Variants in IFT57 observed in about 807,000 individuals in gnomAD.
The protein encoded by IFT57 is intraflagellar transport protein 57 homolog.
Under a neutral mutation model 56.8 loss-of-function variants are expected in IFT57, and 59 were observed. That is an observed-to-expected ratio of 1.04 (90% CI 0.84 to 1.29). The LOEUF (loss-of-function observed/expected upper bound fraction) is 1.29. IFT57 is among the 50% of genes most tolerant of loss of function. The probability of loss-of-function intolerance (pLI) is 0.00; values close to 1 mark genes in which losing one functional copy is unlikely to be tolerated. For missense variants in IFT57, 470 were observed against 522.1 expected (o/e 0.90, Z 0.97); for synonymous variants, 209 against 186.1 (o/e 1.12, Z -1.00).
In IFT57 at chr3:108,191,643, C is replaced by G. The variant is rs1460114196; in HGVS notation, c.655G>C (p.Asp219His). The G allele has an allele frequency of 6.9e-6, 11 of 1,588,944 alleles. No individual in the cohort carries two copies. Among genetic ancestry groups the G allele is most frequent in the Non-Finnish European group, 9.4e-6 (11 of 1,171,110 alleles). Residue 219 changes from aspartate to histidine, a missense_variant and splice_region_variant, in exon 6 of 11, where the codon GAT becomes CAT. Transcript: ENST00000264538. ...TCTTGTTTGGCAGTCTCGTTCATAT[C>G]CTAAGAAAGGAAAGATATCACAAGA... The part of the protein sequence containing the change: ...NVLKAQTYHL[D>H]MNETAKQEDI...
At chr3:108,181,748 A>G (rs1425387928) in intron 6 of IFT57, among the ~76,000 whole-genome samples, 1 of 152,124 alleles carries the variant, frequency 6.6e-6, no homozygotes, top group African/African-American at 2.4e-5. Context: ...ATACAATTAC[A>G]AACATTTGTG....
chr3:108,186,899 T>C (rs1482438609), intron 6 of IFT57, among the ~76,000 whole-genome samples: 3 of 152,194 alleles, frequency 2.0e-5, no homozygotes, highest in Non-Finnish European at 4.4e-5. Context: ...ATGATTCTTT[T>C]AACATTTTCT....
In IFT57 at chr3:108,210,803, G is replaced by A. The variant is rs181578784; in HGVS notation, c.585+3128C>T. On this transcript the variant is annotated intron_variant, in intron 4 of 10. Coordinates refer to ENST00000264538, the MANE Select transcript of IFT57 (RefSeq NM_018010.4). Reference sequence around the variant, plus strand: ...AATAAAGAAGAAAAGAAATTCAAGAGACTTGATGCAAGGGAATGAATAGCC... The same window carrying A: ...AATAAAGAAGAAAAGAAATTCAAGAAACTTGATGCAAGGGAATGAATAGCC... Among the ~76,000 whole-genome samples, 387 of 152,292 alleles carry A rather than the reference G, an allele frequency of 2.5e-3. 3 individuals are homozygous for A. Among genetic ancestry groups the A allele is most frequent in the Admixed American group, 0.01 (160 of 15,308 alleles).
intron 6 of IFT57, among the ~76,000 whole-genome samples, chr3:108,175,565 G>T (rs1260975520): frequency 6.6e-6 from 1 of 151,706 alleles, no homozygotes; most frequent in South Asian, 2.1e-4. Flanking sequence ...AAGGTGACTC[G>T]CAAGACTATA....
At chr3:108,198,766 C>G (rs2080260236) in intron 5 of IFT57, among the ~76,000 whole-genome samples, 1 of 151,968 alleles carries the variant, frequency 6.6e-6, no homozygotes, top group Admixed American at 6.6e-5. Flanking sequence ...ATTTTTGTGC[C>G]TTATTATTTG....
chr3:108,203,186 C>T (rs145978485), intron 5 of IFT57, among the ~76,000 whole-genome samples: 56 of 152,332 alleles, frequency 3.7e-4, no homozygotes, highest in African/African-American at 1.3e-3. Flanking sequence ...GCAGGCAACA[C>T]TTGACTCTAC....
chr3:108,165,161 TG>T (rs3217647), intron 9 of IFT57, among the ~76,000 whole-genome samples: 13,688 of 152,038 alleles, frequency 0.09, 680 homozygotes, highest in Middle Eastern at 0.12. Flanking sequence ...ATAATTATTA[TG>T]TAAAAAATGT....
At chr3:108,207,829 G>T (rs1416695250) in intron 4 of IFT57, among the ~76,000 whole-genome samples, 1 of 152,108 alleles carries the variant, frequency 6.6e-6, no homozygotes, top group African/African-American at 2.4e-5. Flanking sequence ...GGATCACGAG[G>T]TCAGGAGATC....
chr3:108,180,719 G>A (rs1212932130), intron 6 of IFT57, among the ~76,000 whole-genome samples: 1 of 151,892 alleles, frequency 6.6e-6, no homozygotes, highest in Non-Finnish European at 1.5e-5. Flanking sequence ...CTCAGTGATA[G>A]AACTACTCTA....
intron 3 of IFT57, among the ~76,000 whole-genome samples, chr3:108,215,128 A>C (rs931744312): frequency 6.6e-6 from 1 of 152,246 alleles, no homozygotes; most frequent in African/African-American, 2.4e-5. Context: ...TAAACTTTGA[A>C]AAAAATCATT....
At chr3:108,201,306 A>T (rs2080277480) in intron 5 of IFT57, among the ~76,000 whole-genome samples, 1 of 152,232 alleles carries the variant, frequency 6.6e-6, no homozygotes, top group Non-Finnish European at 1.5e-5. Flanking sequence ...CTTATTTCAA[A>T]AGTGGGTTGA....
chr3:108,163,393 AAC>A (rs2080044608), intron 10 of IFT57, among the ~76,000 whole-genome samples: 1 of 152,150 alleles, frequency 6.6e-6, no homozygotes. Context: ...AAACTGGCAT[AAC>A]AAAGTACATA....
At chr3:108,192,541 A>G (rs1406697492) in intron 5 of IFT57, among the ~76,000 whole-genome samples, 1 of 152,102 alleles carries the variant, frequency 6.6e-6, no homozygotes, top group African/African-American at 2.4e-5. Context: ...AAATATGAAT[A>G]ATGTAGATTA....
chr3:108,176,194 A>G (rs1314592213), intron 6 of IFT57, among the ~76,000 whole-genome samples: 1 of 151,878 alleles, frequency 6.6e-6, no homozygotes, highest in Admixed American at 6.6e-5. Context: ...AGTGAATTTA[A>G]AACTATTTAC....
intron 6 of IFT57, among the ~76,000 whole-genome samples, chr3:108,183,249 T>A (rs576051146): frequency 6.6e-6 from 1 of 152,196 alleles, no homozygotes; most frequent in African/African-American, 2.4e-5. Context: ...TAGAAGCCAC[T>A]TTCCTTTGGG....
intron 6 of IFT57, among the ~76,000 whole-genome samples, chr3:108,179,916 CTA>C (rs1346752747): frequency 6.6e-6 from 1 of 151,516 alleles, no homozygotes; most frequent in Non-Finnish European, 1.5e-5. Context: ...AAAAAAGTAT[CTA>C]TGTGTGGTAT....
At chr3:108,208,079 G>A (rs2080323408) in intron 4 of IFT57, among the ~76,000 whole-genome samples, 1 of 151,312 alleles carries the variant, frequency 6.6e-6, no homozygotes, top group Admixed American at 6.6e-5. Flanking sequence ...ATAGGGGTGG[G>A]GCAACTAAGG....
chr3:108,163,180 A>G (rs534991903), intron 10 of IFT57, among the ~76,000 whole-genome samples: 33 of 152,102 alleles, frequency 2.2e-4, no homozygotes, highest in Non-Finnish European at 4.7e-4. Flanking sequence ...CCTGCTCACA[A>G]TGGAGGATGA....
At chr3:108,178,875 T>G (rs1183896139) in intron 6 of IFT57, among the ~76,000 whole-genome samples, 2 of 151,822 alleles carry the variant, frequency 1.3e-5, no homozygotes, top group African/African-American at 4.8e-5. Context: ...GACCTAGCAA[T>G]TCCACTCCTA....
Sources: gnomAD v4.1 joint callset for allele counts (sites outside exome capture counted in the v4.1 genomes callset) on GRCh38, gnomAD v4.1.1 for gene constraint, MANE v1.5 for transcripts, NCBI Gene and HGNC (gene_info 2026-07-23, HGNC 2026-07-21) for gene names.